The following ZEB2 variants were observed in gnomAD, a reference collection of about 807,000 sequenced individuals.
ZEB2 encodes zinc finger E-box-binding homeobox 2.
In ZEB2, 6 loss-of-function variants were observed where a neutral mutation model predicts 99.9. The observed-to-expected ratio is 0.06, with a 90% CI of 0.03 to 0.12. The LOEUF (loss-of-function observed/expected upper bound fraction) is 0.12. Among genes scored for constraint, ZEB2 ranks in the 10% least tolerant of loss-of-function variants. ZEB2 has a pLI of 1.00. For synonymous variants in ZEB2, 517 were observed against 542.5 expected (o/e 0.95, Z 0.65); for missense variants, 969 against 1,502.8 (o/e 0.64, Z 5.87).
intron 2 of ZEB2, among the ~76,000 whole-genome samples, chr2:144,508,231 T>C (rs1157111810): frequency 6.6e-6 from 1 of 152,124 alleles, no homozygotes; most frequent in African/African-American, 2.4e-5. Flanking sequence ...CGTTTGTTCA[T>C]TGTGTCTCAG....
chr2:144,503,784 T>G (rs1405786112), intron 2 of ZEB2: 1 of 152,176 alleles, frequency 6.6e-6, no homozygotes, highest in African/African-American at 2.4e-5. Context: ...ATCTTAAGGT[T>G]TTGCCATGTT....
chr2:144,515,610 A>C (rs1705119995), intron 2 of ZEB2, among the ~76,000 whole-genome samples: 1 of 151,860 alleles, frequency 6.6e-6, no homozygotes, highest in Admixed American at 6.6e-5. Context: ...ATATTATTGT[A>C]CTTGTTTTTC....
chr2:144,502,245 C>T (rs965516484), intron 2 of ZEB2, among the ~76,000 whole-genome samples: 2 of 152,132 alleles, frequency 1.3e-5, no homozygotes, highest in Admixed American at 1.3e-4. Context: ...AAGAAAGATG[C>T]TGTTTTATGA....
At chr2:144,446,133 C>G (rs925619872) in intron 2 of ZEB2, among the ~76,000 whole-genome samples, 6 of 152,020 alleles carry the variant, frequency 3.9e-5, no homozygotes, top group African/African-American at 1.2e-4. Context: ...ATCCCTAGTT[C>G]AGAGTTAGCC....
At chr2:144,472,805 T>TA (rs139275360) in intron 2 of ZEB2, among the ~76,000 whole-genome samples, 2 of 150,546 alleles carry the variant, frequency 1.3e-5, no homozygotes, top group Non-Finnish European at 3.0e-5. Context: ...GTGAGAACGA[T>TA]AAAAAAAGAA....
At chr2:144,413,281 C>T (rs1703489648) in intron 4 of ZEB2, among the ~76,000 whole-genome samples, 1 of 152,146 alleles carries the variant, frequency 6.6e-6, no homozygotes, top group Admixed American at 6.5e-5. Flanking sequence ...AGCAAAACAG[C>T]GCTTATTAAA....
chr2:144,435,512 T>C (rs1434044461), intron 2 of ZEB2, among the ~76,000 whole-genome samples: 1 of 151,476 alleles, frequency 6.6e-6, no homozygotes, highest in African/African-American at 2.4e-5. Flanking sequence ...GGTAGGAGGA[T>C]TGTTTGAGTT....
At chr2:144,511,732 G>T (rs1705041881) in intron 2 of ZEB2, 1 of 1,286,064 alleles carries the variant, frequency 7.8e-7, no homozygotes, top group South Asian at 1.2e-5. Flanking sequence ...GAGGTGCCTG[G>T]ATGTTTCAAG....
In ZEB2 at chr2:144,399,571, C is replaced by G; in HGVS notation, c.1616G>C (p.Cys539Ser). Residue 539 changes from cysteine to serine, a missense_variant, in exon 8 of 10, where the codon TGC becomes TCC. Cys to Ser is a moderately radical substitution (Grantham distance 112). Around this residue, in one of 8 missense-constraint regions of ZEB2, gnomAD observed 227 missense variants for 278.2 expected, o/e 0.82. Transcript: ENST00000627532. This position sits in a 1 kb window ranked among gnomAD's most constrained non-coding sequence, Gnocchi z 5.6. Reference protein sequence around the residue: ...TLEKVNEAKACLQSLTTDSRR... With the variant: ...TLEKVNEAKASLQSLTTDSRR... Reference sequence around the variant, plus strand: ...TGAGTCAGTAGTCAAGCTCTGGAGGCAAGCTTTGGCTTCATTGACTTTTTC... The same window carrying G: ...TGAGTCAGTAGTCAAGCTCTGGAGGGAAGCTTTGGCTTCATTGACTTTTTC... 1 of 1,614,182 alleles carries G rather than the reference C, an allele frequency of 6.2e-7. No homozygotes were observed. The highest frequency in any genetic ancestry group is 8.5e-7 in the Non-Finnish European group (1 of 1,180,024).
intron 2 of ZEB2, among the ~76,000 whole-genome samples, chr2:144,456,918 T>C (rs1377275697): frequency 6.6e-6 from 1 of 152,120 alleles, no homozygotes; most frequent in Non-Finnish European, 1.5e-5. Context: ...TCACCTGACC[T>C]CGAAGTTTCC....
chr2:144,401,760 G>T (rs1280622991), intron 6 of ZEB2, among the ~76,000 whole-genome samples: 1 of 151,930 alleles, frequency 6.6e-6, no homozygotes, highest in South Asian at 2.1e-4. Context: ...CAATTTTTTT[G>T]TATCAGCATA....
intron 2 of ZEB2, among the ~76,000 whole-genome samples, chr2:144,450,827 C>G (rs1312849162): frequency 6.6e-6 from 1 of 152,182 alleles, no homozygotes; most frequent in Non-Finnish European, 1.5e-5. Context: ...AGGCGCCCAC[C>G]ACCACGCCTG....
chr2:144,411,952 A>G (rs1453253730), intron 4 of ZEB2, among the ~76,000 whole-genome samples: 1 of 152,220 alleles, frequency 6.6e-6, no homozygotes. Context: ...GCACAGAATG[A>G]TAGAGTCCAT....
intron 2 of ZEB2, chr2:144,482,246 G>A (rs1363138586): frequency 2.0e-5 from 3 of 152,098 alleles, no homozygotes; most frequent in Non-Finnish European, 4.4e-5. Flanking sequence ...TAGCTTCTCC[G>A]TCTTCATCAC....
At chr2:144,442,817 T>A (rs953430091) in intron 2 of ZEB2, among the ~76,000 whole-genome samples, 2 of 152,174 alleles carry the variant, frequency 1.3e-5, no homozygotes, top group Non-Finnish European at 2.9e-5. Context: ...AGTTTAAGTT[T>A]TTTTAAAAAA....
At chr2:144,454,679 C>T (rs529385032) in intron 2 of ZEB2, among the ~76,000 whole-genome samples, 6 of 152,204 alleles carry the variant, frequency 3.9e-5, no homozygotes, top group Admixed American at 3.9e-4. Context: ...AACAGGATGT[C>T]CTTATATGAA....
At chr2:144,403,346 C>A (rs1703337926) in intron 6 of ZEB2, among the ~76,000 whole-genome samples, 1 of 151,970 alleles carries the variant, frequency 6.6e-6, no homozygotes, top group African/African-American at 2.4e-5. Context: ...GTACATCCAA[C>A]GTTTTAGTAC....
intron 2 of ZEB2, among the ~76,000 whole-genome samples, chr2:144,502,176 G>A (rs1011618653): frequency 2.0e-5 from 3 of 152,116 alleles, no homozygotes; most frequent in Non-Finnish European, 2.9e-5. Flanking sequence ...AATACTTTTA[G>A]GCTGCTGAGT....
At chr2:144,424,749 A>C in intron 4 of ZEB2, 47 bp downstream of exon 4, 1 of 1,608,614 alleles carries the variant, frequency 6.2e-7, no homozygotes, top group African/African-American at 1.3e-5. Flanking sequence ...CACTAAACCC[A>C]CATGACACAG....
Sources: allele counts gnomAD v4.1 joint callset (sites outside exome capture counted in the v4.1 genomes callset), GRCh38; gene constraint gnomAD v4.1.1; regional missense constraint gnomAD v4.1.1; non-coding constraint Gnocchi (gnomAD v3.1); transcripts MANE v1.5; gene names NCBI Gene and HGNC (gene_info 2026-07-23, HGNC 2026-07-21).